ZNF544: variants seen among roughly 807,000 people sequenced by gnomAD.
ZNF544 encodes zinc finger protein 544.
In ZNF544, 10 loss-of-function variants were observed where a neutral mutation model predicts 13.5. The observed-to-expected ratio is 0.74, with a 90% confidence interval of 0.46 to 1.25. The LOEUF is 1.25. Among genes scored for constraint, ZNF544 ranks in the 50% most tolerant of loss-of-function variants. The pLI is 0.00. For missense variants in ZNF544, 896 were observed against 845.6 expected, an observed-to-expected ratio of 1.06 and a Z score of -0.74; for synonymous variants, 323 against 300.5, an observed-to-expected ratio of 1.07 and a Z score of -0.77.
chr19:58,241,743 C>T (rs1172052710), intron 3 of ZNF544, among the ~76,000 whole-genome samples: 2 of 152,068 alleles, frequency 1.3e-5, no homozygotes, highest in African/African-American at 4.8e-5. Flanking sequence ...GTGATCCGCC[C>T]GCCTCGGCCT....
intron 6 of ZNF544, among the ~76,000 whole-genome samples, chr19:58,251,060 A>C (rs1030381675): frequency 6.6e-6 from 1 of 152,178 alleles, no homozygotes; most frequent in Non-Finnish European, 1.5e-5. Flanking sequence ...CTTATTTGTT[A>C]TTTTGTGCTA....
At chr19:58,264,233 A>C (rs1054572054), downstream of ZNF544, 4 of 151,912 alleles carry the variant, frequency 2.6e-5, no homozygotes, top group African/African-American at 9.7e-5. Flanking sequence ...GTCTCGACGA[A>C]ATATACGAAA....
chr19:58,273,190 AAAG>A (rs946178214), intron 5 of ZNF544, among the ~76,000 whole-genome samples: 2 of 152,060 alleles, frequency 1.3e-5, no homozygotes, highest in Non-Finnish European at 2.9e-5. Flanking sequence ...TCAAAAAAAA[AAAG>A]AAGAAAGAAA....
In ZNF544 at chr19:58,246,897, A is replaced by G. The variant is rs1249293091; in HGVS notation, c.244+103A>G. On this transcript the variant is annotated intron_variant, in intron 6 of 6. Transcript: ENST00000687789. The stretch of plus-strand genomic sequence containing the variant: ...CAAGGAGGGAGCCTTGTTTGGAGGA[A>G]GCCTCCTTGGGTGCTCTTTGCAGCA... 3.5e-5 allele frequency: 39 copies of G among 1,111,290 alleles called. No individual in the cohort carries two copies. The South Asian group carries it at 4.8e-4, about 14-fold the overall frequency. The allele number at this position is 1,111,290 out of a possible 1,614,324, so 68.8% of individuals were successfully genotyped here.
chr19:58,236,814 T>G (rs260483), intron 3 of ZNF544, among the ~76,000 whole-genome samples: 22,180 of 150,936 alleles, frequency 0.15, 1,986 homozygotes, highest in East Asian at 0.35. Context: ...GGATCTCAGC[T>G]CACTGCAACC....
intron 6 of ZNF544, chr19:58,277,039 G>A (rs1350057203): frequency 6.7e-6 from 3 of 448,874 alleles, no homozygotes; most frequent in Non-Finnish European, 7.3e-6. Flanking sequence ...CCTGCTTAAA[G>A]TATCAGTCTG....
chr19:58,265,998 A>C (rs1473664327), downstream of ZNF544, among the ~76,000 whole-genome samples: 2 of 151,842 alleles, frequency 1.3e-5, no homozygotes, highest in Admixed American at 1.3e-4. Context: ...TGAGGTTAGG[A>C]GTTCGAGACC....
intron 3 of ZNF544, among the ~76,000 whole-genome samples, chr19:58,233,866 C>T (rs1269033200): frequency 6.6e-6 from 1 of 152,194 alleles, no homozygotes; most frequent in Non-Finnish European, 1.5e-5. Flanking sequence ...TGTGTCCAGC[C>T]TTAACATGTC....
At chr19:58,244,210 C>T (rs1265067585) in intron 4 of ZNF544, among the ~76,000 whole-genome samples, 154 bp downstream of exon 4, 1 of 151,990 alleles carries the variant, frequency 6.6e-6, no homozygotes, top group Non-Finnish European at 1.5e-5. Flanking sequence ...TGCAGTAAAG[C>T]GCGGCACCCG....
chr19:58,270,487 ACACAGG>A (rs1266052735), intron 5 of ZNF544, among the ~76,000 whole-genome samples: 5 of 152,074 alleles, frequency 3.3e-5, no homozygotes, highest in African/African-American at 9.7e-5. Flanking sequence ...TTTTTAGTAG[ACACAGG>A]GTTTCACCAT....
intron 3 of ZNF544, among the ~76,000 whole-genome samples, chr19:58,236,839 TCAAA>T (rs1426140515): frequency 6.6e-6 from 1 of 151,056 alleles, no homozygotes; most frequent in Non-Finnish European, 1.5e-5. Flanking sequence ...TTCCCCGGGT[TCAAA>T]CAATTCTCGT....
At chr19:58,241,172 T>TATATATTTAA (rs2043631249) in intron 3 of ZNF544, among the ~76,000 whole-genome samples, 13 of 90,366 alleles carry the variant, frequency 1.4e-4, no homozygotes, top group Middle Eastern at 5.7e-3. Context: ...AATATATATA[T>TATATATTTAA]ATATATATTT....
At chr19:58,236,964 C>T (rs1355553774) in intron 3 of ZNF544, among the ~76,000 whole-genome samples, 1 of 151,548 alleles carries the variant, frequency 6.6e-6, no homozygotes, top group African/African-American at 2.4e-5. Flanking sequence ...TGGTCTTGAT[C>T]TCCTGACCTC....
chr19:58,242,203 C>T, intron 3 of ZNF544: 1 of 984,548 alleles, frequency 1.0e-6, no homozygotes, highest in Non-Finnish European at 1.2e-6. Flanking sequence ...TGTGAGGTGG[C>T]CCATGCTTAG....
chr19:58,235,648 C>T lies in ZNF544; in HGVS notation c.-60+5186C>T, dbSNP rs1275292152. Among the ~76,000 whole-genome samples, 3 of 152,112 alleles carry T rather than the reference C, an allele frequency of 2.0e-5. No homozygotes were observed. In the East Asian group the frequency reaches 5.8e-4, roughly 29 times the overall value. On this transcript the variant is annotated intron_variant, in intron 3 of 6. Coordinates refer to ENST00000687789, the MANE Select transcript of ZNF544 (RefSeq NM_014480.4). ...GTATGTGAATGCATATGTTAATTAC[C>T]TCAATTTAGCCATTCTATAGTGCAT...
intron 3 of ZNF544, among the ~76,000 whole-genome samples, chr19:58,237,969 G>A (rs190057923): frequency 4.6e-5 from 7 of 152,310 alleles, no homozygotes; most frequent in Admixed American, 2.0e-4. Flanking sequence ...AACTTCTCTT[G>A]TTGCTCAGAC....
At position 58,261,696 on chromosome 19, in the gene ZNF544, A is replaced by G. The variant is rs1378519987; in HGVS notation, c.1090A>G (p.Ser364Gly). ...SVCNQCGKSFSCCKLIHQRTH... is the reference protein window; with the variant it reads ...SVCNQCGKSFGCCKLIHQRTH... ...GTGTAATCAGTGTGGAAAATCTTTC[A>G]GCTGTTGTAAGCTCATACACCAGAG... Residue 364 changes from serine to glycine, a missense_variant, in exon 7 of 7, where the codon AGC (serine) becomes GGC (glycine). Coordinates refer to ENST00000687789, the MANE Select transcript of ZNF544 (RefSeq NM_014480.4). The G allele has an allele frequency of 6.2e-7, 1 of 1,614,246 alleles. No individual in the cohort carries two copies. The highest frequency in any genetic ancestry group is 8.5e-7 in the Non-Finnish European group (1 of 1,180,042).
intron 5 of ZNF544, among the ~76,000 whole-genome samples, chr19:58,275,639 T>C (rs535755050): frequency 2.6e-5 from 4 of 151,566 alleles, no homozygotes; most frequent in African/African-American, 9.7e-5. Context: ...CAAAACCCTG[T>C]CTCTACAAAA....
intron 5 of ZNF544, among the ~76,000 whole-genome samples, chr19:58,271,860 T>G (rs2050671915): frequency 6.6e-6 from 1 of 151,970 alleles, no homozygotes; most frequent in Admixed American, 6.6e-5. Context: ...TCTGACAATT[T>G]AAAAAATCAA....
Sources: allele counts gnomAD v4.1 joint callset (sites outside exome capture counted in the v4.1 genomes callset), GRCh38; gene constraint gnomAD v4.1.1; transcripts MANE v1.5; gene names NCBI Gene and HGNC (gene_info 2026-07-23, HGNC 2026-07-21).